BMP8B: variants seen among roughly 807,000 people sequenced by gnomAD.
The protein encoded by BMP8B is bone morphogenetic protein 8 (osteogenic protein 2).
A neutral mutation model predicts 30.3 loss-of-function variants in BMP8B; 17 were observed. The observed-to-expected ratio is 0.56, with a 90% confidence interval of 0.38 to 0.84. BMP8B has a LOEUF of 0.84. Ranked by LOEUF, BMP8B falls within the 40% of genes least tolerant of loss-of-function variation. The pLI is 0.00. For synonymous variants in BMP8B, 131 were observed against 214.7 expected, an observed-to-expected ratio of 0.61 and a Z score of 3.41; for missense variants, 253 against 494.6, an observed-to-expected ratio of 0.51 and a Z score of 4.63.
intron 6 of BMP8B, chr1:39,762,746 A>T: frequency 3.6e-6 from 5 of 1,390,652 alleles, no homozygotes; most frequent in Non-Finnish European, 4.8e-6. Flanking sequence ...TGCTAAGATC[A>T]CACAGCCCCC....
chr1:39,770,534 G>A lies in BMP8B; in HGVS notation c.673+3774C>T, dbSNP rs145014048. ...CACGATCTCTTCCACCTCCACCGCC[G>A]TGACGTCTGCAGCTTTGCACATGGG... On this transcript the variant is annotated intron_variant, in intron 3 of 6. Transcript: ENST00000372827. 2.7e-4 allele frequency: 435 copies of A among 1,610,054 alleles called. 29 individuals are homozygous for A. In the African/African-American group the frequency reaches 5.2e-3, roughly 19 times the overall value.
chr1:39,770,243 A>C lies in BMP8B; in HGVS notation c.673+4065T>G, dbSNP rs1405031125. On this transcript the variant is annotated intron_variant, in intron 3 of 6. Transcript: ENST00000372827. ...GCCCAGGATCCCGTTCTCACTGTGA[A>C]GATGGACAGTCATGCTGGGACTGAT... is the stretch of plus-strand genomic sequence containing the variant. 5 of 1,517,590 alleles carry C rather than the reference A, an allele frequency of 3.3e-6. No homozygotes were observed. The Admixed American group carries it at 9.1e-5, about 28-fold the overall frequency. 94.0% of individuals were successfully genotyped at this position (1,517,590 alleles called of 1,614,324 possible). A position where few individuals can be genotyped will look rare whatever the true frequency, so the allele number is the denominator to read the frequency against.
chr1:39,782,842 T>C (rs535422751), intron 1 of BMP8B, among the ~76,000 whole-genome samples: 1 of 152,240 alleles, frequency 6.6e-6, no homozygotes, highest in East Asian at 1.9e-4. Flanking sequence ...ATTATTATTA[T>C]TTAGACAGAG....
At chr1:39,771,820 G>A (rs1418526459) in intron 3 of BMP8B, among the ~76,000 whole-genome samples, 7 of 146,068 alleles carry the variant, frequency 4.8e-5, no homozygotes, top group Non-Finnish European at 7.6e-5. Context: ...ACCTCCATCA[G>A]GAAGGGTCCC....
intron 1 of BMP8B, among the ~76,000 whole-genome samples, chr1:39,784,853 C>T (rs201464915): frequency 1.4e-4 from 14 of 102,146 alleles, no homozygotes; most frequent in South Asian, 3.9e-4. Flanking sequence ...CTGTCTGGTT[C>T]AGGAAGGGAT....
intron 1 of BMP8B, among the ~76,000 whole-genome samples, chr1:39,786,144 A>C (rs230325): frequency 6.6e-6 from 1 of 152,092 alleles, no homozygotes; most frequent in Non-Finnish European, 1.5e-5. Context: ...ACAGTCTCAC[A>C]TGAGTTAAAT....
Position 39,759,511 on chromosome 1 carries a change from T to C in BMP8B, c.*908A>G, listed in dbSNP as rs1176121016. 6.6e-6 allele frequency: 1 copy of C among 152,234 alleles called. No individual in the cohort carries two copies. The highest frequency in any genetic ancestry group is 1.5e-5 in the Non-Finnish European group (1 of 68,056). 9.4% of individuals were successfully genotyped at this position (152,234 alleles called of 1,614,324 possible). A position where few individuals can be genotyped will look rare whatever the true frequency, so the allele number is the denominator to read the frequency against. On this transcript the variant is annotated 3_prime_UTR_variant, in exon 7 of 7. Transcript: ENST00000372827. ...CCACTCAGATTTGGAAGAAAAACAT[T>C]CCAGATTGATTACTGATGTCTGCCA...
At chr1:39,784,119 C>T (rs1650829007) in intron 1 of BMP8B, among the ~76,000 whole-genome samples, 1 of 152,136 alleles carries the variant, frequency 6.6e-6, no homozygotes, top group Non-Finnish European at 1.5e-5. Flanking sequence ...CACCTATCTG[C>T]TCTGAGCCTC....
intron 1 of BMP8B, among the ~76,000 whole-genome samples, chr1:39,778,532 C>T (rs6698606): frequency 0.19 from 28,733 of 150,504 alleles, 2,912 homozygotes; most frequent in East Asian, 0.31. Context: ...CGCCTCAAGG[C>T]GAGCCCAGGG....
Position 39,788,418 on chromosome 1 carries a change from G to A in BMP8B, c.68C>T (p.Pro23Leu). 8 of 1,048,656 alleles carry A rather than the reference G, an allele frequency of 7.6e-6. No homozygotes were observed. Among genetic ancestry groups the A allele is most frequent in the Non-Finnish European group, 9.2e-6 (8 of 872,564 alleles). 65.0% of individuals were successfully genotyped at this position (1,048,656 alleles called of 1,614,324 possible). ...ACAGCCGGGCGGGGGTCGCAGGCCG[G>A]GGCCGCCCCCGCCCAGCGCGCATAG... ...LALCALGGGG[P>L]GLRPPPGCPQ... Residue 23 changes from proline (P) to leucine (L), a missense_variant, in exon 1 of 7, where the codon CCC (proline) becomes CTC (leucine). By Grantham distance (98) the Pro-to-Leu change is moderately conservative (BLOSUM62 -3). Around this residue, in one of 7 missense-constraint regions of BMP8B, gnomAD observed 54 missense variants for 70.8 expected, o/e 0.76. Coordinates refer to ENST00000372827, the MANE Select transcript of BMP8B (RefSeq NM_001720.5). This position sits in a 1 kb window ranked among gnomAD's most constrained non-coding sequence, Gnocchi z 5.8.
chr1:39,784,078 G>A (rs1261705035), intron 1 of BMP8B, among the ~76,000 whole-genome samples: 1 of 152,180 alleles, frequency 6.6e-6, no homozygotes. Flanking sequence ...TGGAGGCAGG[G>A]GGACAATCTG....
At chr1:39,768,572 T>A (rs1649751053) in intron 3 of BMP8B, among the ~76,000 whole-genome samples, 1 of 149,780 alleles carries the variant, frequency 6.7e-6, no homozygotes, top group Non-Finnish European at 1.5e-5. Flanking sequence ...ATAAAAACGT[T>A]CAAGAAGGCT....
Position 39,788,694 on chromosome 1 carries a change from G to C in BMP8B, c.-209C>G. ...ACCTGTCCTGGCTCCTGGACGAGAG[G>C]ACGCGGACGCCACCGCCTCGAGGCC... On this transcript the variant is annotated 5_prime_UTR_variant, in exon 1 of 7. Transcript: ENST00000372827. The surrounding 1 kb of genome is among the most constrained non-coding windows in gnomAD (Gnocchi z 5.8). 1 of 268,360 alleles carries C rather than the reference G, an allele frequency of 3.7e-6. No individual in the cohort carries two copies. Among genetic ancestry groups the C allele is most frequent in the South Asian group, 1.4e-4 (1 of 7,170 alleles). The allele number at this position is 268,360 out of a possible 1,614,324, so 16.6% of individuals were successfully genotyped here. A position where few individuals can be genotyped will look rare whatever the true frequency, so the allele number is the denominator to read the frequency against.
intron 1 of BMP8B, among the ~76,000 whole-genome samples, chr1:39,780,070 A>G (rs1403865142): frequency 1.3e-5 from 2 of 152,172 alleles, no homozygotes; most frequent in Non-Finnish European, 2.9e-5. Context: ...CTCCCCCAGA[A>G]CGAGGCATCC....
Position 39,788,231 on chromosome 1 carries a change from G to A in BMP8B, c.255C>T (p.Ala85=). 1 of 1,569,812 alleles carries A rather than the reference G, an allele frequency of 6.4e-7. No homozygotes were observed. Among genetic ancestry groups the A allele is most frequent in the Admixed American group, 1.8e-5 (1 of 56,980 alleles). ...LFMLDLYHAM[A]GDDDEDGAPA... is the part of the protein sequence containing the mutation. ...GCGCGCCGTCCTCGTCGTCGTCGCC[G>A]GCCATGGCGTGGTACAGGTCCAGCA... The change falls in exon 1 of 7, where the codon GCC becomes GCT. Residue 85 remains alanine (A), a synonymous_variant. Transcript: ENST00000372827. This position sits in a 1 kb window ranked among gnomAD's most constrained non-coding sequence, Gnocchi z 5.8.
intron 1 of BMP8B, among the ~76,000 whole-genome samples, chr1:39,780,566 T>C (rs1406727156): frequency 6.6e-6 from 1 of 152,144 alleles, no homozygotes; most frequent in Non-Finnish European, 1.5e-5. Context: ...AAAGCCATGA[T>C]GGGATTTTCA....
chr1:39,777,261 A>G (rs1230890291), intron 1 of BMP8B, among the ~76,000 whole-genome samples: 1 of 152,234 alleles, frequency 6.6e-6, no homozygotes, highest in Non-Finnish European at 1.5e-5. Flanking sequence ...CTAAATATTT[A>G]TTTTCTACAA....
intron 4 of BMP8B, 80 bp downstream of exon 4, chr1:39,764,543 T>TG (rs1649459847): frequency 3.9e-6 from 6 of 1,522,784 alleles, no homozygotes; most frequent in African/African-American, 1.4e-5. Flanking sequence ...CTGAGGGCTC[T>TG]GGGCCACCAC....
chr1:39,766,054 CAA>C, intron 3 of BMP8B, among the ~76,000 whole-genome samples: 1 of 151,926 alleles, frequency 6.6e-6, no homozygotes, highest in Admixed American at 6.5e-5. Flanking sequence ...AAACAAAACA[CAA>C]AACTTTTTCT....
Sources: gnomAD v4.1 joint callset for allele counts (sites outside exome capture counted in the v4.1 genomes callset) on GRCh38, gnomAD v4.1.1 for gene constraint, gnomAD v4.1.1 regional missense constraint, Gnocchi (gnomAD v3.1) non-coding constraint, MANE v1.5 for transcripts, NCBI Gene and HGNC (gene_info 2026-07-23, HGNC 2026-07-21) for gene names.